GREB1L: variants seen among roughly 807,000 people sequenced by gnomAD.
GREB1L encodes the protein GREB1-like protein.
Under a neutral mutation model 200.8 loss-of-function variants are expected in GREB1L, and 17 were observed. That is an observed-to-expected ratio of 0.08 (90% CI 0.06 to 0.13). The LOEUF (loss-of-function observed/expected upper bound fraction) is 0.13. Ranked by LOEUF, GREB1L falls within the 10% of genes least tolerant of loss-of-function variation. The pLI is 1.00. For missense variants in GREB1L, 1,657 were observed against 2,367.7 expected (o/e 0.70, Z 6.23); for synonymous variants, 789 against 893.0 (o/e 0.88, Z 2.08).
At chr18:21,278,393 T>A (rs12966832) in intron 1 of GREB1L, among the ~76,000 whole-genome samples, 12,462 of 79,180 alleles carry the variant, frequency 0.16, 777 homozygotes, top group South Asian at 0.26. Flanking sequence ...AAAAAAAAAA[T>A]AAATAAATAA....
chr18:21,449,756 A>C lies in GREB1L; in HGVS notation c.1640A>C (p.His547Pro). ...TTAAGGACTCTCAGTGAAATGAGAC[A>C]CTATCAAAGGCTGCCAGATTATGTG... is the stretch of plus-strand genomic sequence containing the variant. ...ETLRTLSEMRHYQRLPDYVVV... is the reference protein window; with the variant it reads ...ETLRTLSEMRPYQRLPDYVVV... The change falls in exon 12 of 33, where the codon CAC becomes CCC. Residue 547 changes from histidine (H) to proline (P), a missense_variant. Transcript: ENST00000424526. 6.4e-7 allele frequency: 1 copy of C among 1,551,550 alleles called. No homozygotes were observed. The highest frequency in any genetic ancestry group is 1.7e-4 in the Middle Eastern group (1 of 5,992).
intron 7 of GREB1L, among the ~76,000 whole-genome samples, chr18:21,407,036 G>A (rs1343632298): frequency 2.6e-5 from 4 of 151,904 alleles, no homozygotes; most frequent in Non-Finnish European, 4.4e-5. Context: ...CACCACGCCC[G>A]GCTGATTTTT....
intron 1 of GREB1L, among the ~76,000 whole-genome samples, chr18:21,275,622 C>T (rs1411452264): frequency 6.6e-6 from 1 of 151,542 alleles, no homozygotes; most frequent in Non-Finnish European, 1.5e-5. Flanking sequence ...CACTGCACTC[C>T]AGCCTGGATG....
At chr18:21,288,175 G>A (rs1463607362) in intron 1 of GREB1L, among the ~76,000 whole-genome samples, 9 of 151,718 alleles carry the variant, frequency 5.9e-5, no homozygotes, top group Non-Finnish European at 1.3e-4. Context: ...TTTTTAGTGG[G>A]GAGTATGATG....
chr18:21,415,001 G>A (rs2031485816), intron 7 of GREB1L, among the ~76,000 whole-genome samples: 1 of 152,158 alleles, frequency 6.6e-6, no homozygotes, highest in African/African-American at 2.4e-5. Flanking sequence ...CCATGATATA[G>A]GGAGAGGAAA....
At chr18:21,307,915 G>A (rs994564464) in intron 1 of GREB1L, among the ~76,000 whole-genome samples, 2 of 152,172 alleles carry the variant, frequency 1.3e-5, no homozygotes, top group African/African-American at 4.8e-5. Context: ...TTTCCTCCAG[G>A]AGTGGTAACA....
chr18:21,503,424 C>G (rs906840772), intron 23 of GREB1L, among the ~76,000 whole-genome samples: 2 of 151,982 alleles, frequency 1.3e-5, no homozygotes, highest in African/African-American at 4.8e-5. Flanking sequence ...CCAGCCTGGT[C>G]TCAAACTCTG....
intron 7 of GREB1L, among the ~76,000 whole-genome samples, chr18:21,426,010 A>C (rs2032537188): frequency 6.6e-6 from 1 of 150,752 alleles, no homozygotes; most frequent in African/African-American, 2.4e-5. Flanking sequence ...TGTTATAGCT[A>C]TTAGCTATTA....
intron 31 of GREB1L, 139 bp downstream of exon 31, chr18:21,518,373 A>AAGAT: frequency 1.3e-6 from 1 of 784,826 alleles, no homozygotes; most frequent in Non-Finnish European, 2.0e-6. Context: ...ACTTTTATTA[A>AAGAT]AGATAGTAAT....
chr18:21,474,518 T>C (rs2035609569), intron 16 of GREB1L, among the ~76,000 whole-genome samples: 1 of 152,112 alleles, frequency 6.6e-6, no homozygotes, highest in Non-Finnish European at 1.5e-5. Flanking sequence ...AGGCAGAGGC[T>C]CCCAAACCTC....
intron 10 of GREB1L, among the ~76,000 whole-genome samples, chr18:21,443,719 C>T (rs527489875): frequency 3.3e-5 from 5 of 152,292 alleles, no homozygotes; most frequent in African/African-American, 1.2e-4. Context: ...GGGATTGATT[C>T]CAGGCCCCGT....
At chr18:21,337,574 T>C (rs985681387) in intron 1 of GREB1L, among the ~76,000 whole-genome samples, 5 of 152,198 alleles carry the variant, frequency 3.3e-5, no homozygotes, top group African/African-American at 1.2e-4. Context: ...AACCATAGAA[T>C]GGCAAGGGGC....
chr18:21,400,247 T>G (rs1315319833), intron 5 of GREB1L, among the ~76,000 whole-genome samples: 2 of 152,138 alleles, frequency 1.3e-5, no homozygotes, highest in African/African-American at 4.8e-5. Context: ...ATCCTCCCAG[T>G]TTTCTGTTTC....
At chr18:21,290,879 T>C (rs1315207194) in intron 1 of GREB1L, among the ~76,000 whole-genome samples, 1 of 151,470 alleles carries the variant, frequency 6.6e-6, no homozygotes, top group African/African-American at 2.4e-5. Flanking sequence ...TGAACTTTAC[T>C]GTCGAGTCAA....
intron 5 of GREB1L, among the ~76,000 whole-genome samples, chr18:21,396,612 A>C (rs774720130): frequency 6.6e-6 from 1 of 152,148 alleles, no homozygotes; most frequent in Non-Finnish European, 1.5e-5. Context: ...AGATATTTCT[A>C]TCTATACTTG....
intron 7 of GREB1L, among the ~76,000 whole-genome samples, chr18:21,406,302 A>G (rs1201726225): frequency 1.3e-5 from 2 of 152,180 alleles, no homozygotes; most frequent in African/African-American, 4.8e-5. Flanking sequence ...GCCAGGAGCA[A>G]GGGGAAGGCA....
At position 21,499,874 on chromosome 18, in the gene GREB1L, G is replaced by T; in HGVS notation, c.3537G>T (p.Gly1179=). 1.3e-6 allele frequency: 2 copies of T among 1,550,714 alleles called. No homozygotes were observed. Among genetic ancestry groups the T allele is most frequent in the Non-Finnish European group, 8.7e-7 (1 of 1,146,650 alleles). The change falls in exon 22 of 33, where the codon GGG becomes GGT. Residue 1179 remains glycine (G), a synonymous_variant. Coordinates refer to ENST00000424526, the MANE Select transcript of GREB1L (RefSeq NM_001142966.3). ...CCAGCTCAGCTGGAGCCGGAGCCGG[G>T]GAGACTCTGAAGCAGGAATGTGACT... The part of the protein sequence containing the change: ...VSASSAGAGA[G]ETLKQECDSL...
intron 14 of GREB1L, among the ~76,000 whole-genome samples, chr18:21,452,669 C>T (rs568856570): frequency 2.0e-5 from 3 of 152,230 alleles, no homozygotes; most frequent in East Asian, 1.9e-4. Context: ...GATAGAGCAG[C>T]GCTACCAACA....
intron 10 of GREB1L, among the ~76,000 whole-genome samples, chr18:21,442,348 G>T (rs1233053855): frequency 6.6e-6 from 1 of 152,162 alleles, no homozygotes; most frequent in Non-Finnish European, 1.5e-5. Flanking sequence ...TTTTGGGTTG[G>T]CCTGAGCCTG....
Sources: allele counts gnomAD v4.1 joint callset (sites outside exome capture counted in the v4.1 genomes callset), GRCh38; gene constraint gnomAD v4.1.1; transcripts MANE v1.5; gene names NCBI Gene and HGNC (gene_info 2026-07-23, HGNC 2026-07-21).